Variants in NF1 observed in about 807,000 individuals in gnomAD.
The protein encoded by NF1 is neurofibromin 1.
In NF1, 122 loss-of-function variants were observed where a neutral mutation model predicts 325.7. That is an observed-to-expected ratio of 0.37 (90% CI 0.32 to 0.44). The LOEUF is 0.44. NF1 is among the 20% of genes least tolerant of loss of function. NF1 has a pLI of 1.00. For synonymous variants in NF1, 1,091 were observed against 1,186.0 expected, an observed-to-expected ratio of 0.92 and a Z score of 1.65; for missense variants, 2,140 against 3,415.4, an observed-to-expected ratio of 0.63 and a Z score of 9.31.
At chr17:31,333,056 C>T (rs928123125) in intron 39 of NF1, among the ~76,000 whole-genome samples, 18 of 152,066 alleles carry the variant, frequency 1.2e-4, no homozygotes, top group African/African-American at 4.3e-4. Context: ...AGTGAGGCCC[C>T]CATCTCAAAA....
chr17:31,362,362 C>T lies in NF1; in HGVS notation c.8377+1659C>T, dbSNP rs572658615. 35 of 985,128 alleles carry T rather than the reference C, an allele frequency of 3.6e-5. No homozygotes were observed. The highest frequency in any genetic ancestry group is 2.1e-4 in the African/African-American group (12 of 57,348). 61.0% of individuals were successfully genotyped at this position (985,128 alleles called of 1,614,324 possible). ...AGCATTTTGGAGCTAGGGAACCATACAGGTAATTTAGTTTTAGGCTCACAA... is the reference window on the plus strand; with the variant it reads ...AGCATTTTGGAGCTAGGGAACCATATAGGTAATTTAGTTTTAGGCTCACAA... On this transcript the variant is annotated intron_variant, in intron 57 of 57. Coordinates refer to ENST00000358273, the MANE Select transcript of NF1 (RefSeq NM_001042492.3).
intron 1 of NF1, among the ~76,000 whole-genome samples, chr17:31,119,462 T>G (rs985788743): frequency 3.5e-4 from 50 of 143,746 alleles, no homozygotes; most frequent in South Asian, 8.6e-4. Flanking sequence ...TTTTGATGGG[T>G]TTTTTTTTTT....
At chr17:31,290,125 A>G (rs2151493471) in intron 36 of NF1, among the ~76,000 whole-genome samples, 1 of 152,130 alleles carries the variant, frequency 6.6e-6, no homozygotes, top group East Asian at 1.9e-4. Context: ...AACCTCCTTT[A>G]TAGCATCTTA....
At chr17:31,156,734 A>G (rs922675701) in intron 2 of NF1, among the ~76,000 whole-genome samples, 1 of 151,888 alleles carries the variant, frequency 6.6e-6, no homozygotes, top group Non-Finnish European at 1.5e-5. Flanking sequence ...TCTTCTTCCC[A>G]TTTTCTAAAA....
chr17:31,281,088 C>T (rs1021825634), intron 36 of NF1, among the ~76,000 whole-genome samples: 2 of 152,182 alleles, frequency 1.3e-5, no homozygotes, highest in Non-Finnish European at 2.9e-5. Flanking sequence ...TTTAGCATCT[C>T]ATACAAGTCT....
chr17:31,327,936 T>A (rs1414206730), intron 38 of NF1, 97 bp downstream of exon 38: 2 of 1,181,448 alleles, frequency 1.7e-6, no homozygotes, highest in Non-Finnish European at 2.5e-6. Context: ...ACCTTAATAT[T>A]GTAAATTGGA....
intron 1 of NF1, chr17:31,136,667 G>C (rs1915808774): frequency 6.6e-6 from 1 of 152,126 alleles, no homozygotes; most frequent in African/African-American, 2.4e-5. Flanking sequence ...GTAGTGCTGT[G>C]TTCAGTTAAC....
At chr17:31,107,758 A>G (rs1026242785) in intron 1 of NF1, among the ~76,000 whole-genome samples, 1 of 152,052 alleles carries the variant, frequency 6.6e-6, no homozygotes, top group Non-Finnish European at 1.5e-5. Context: ...TTTTGGTGCA[A>G]TGGTGGTCAG....
chr17:31,142,490 T>A (rs930431148), intron 1 of NF1, among the ~76,000 whole-genome samples: 1 of 152,198 alleles, frequency 6.6e-6, no homozygotes, highest in African/African-American at 2.4e-5. Context: ...TTTTCTTATA[T>A]GTGTTTCAGT....
intron 36 of NF1, among the ~76,000 whole-genome samples, chr17:31,311,149 C>T (rs538515684): frequency 2.0e-4 from 30 of 152,180 alleles, no homozygotes; most frequent in Admixed American, 5.2e-4. Context: ...CATGGGGTTT[C>T]ACCATGTCAC....
chr17:31,349,542 C>T (rs1446879805), intron 49 of NF1, among the ~76,000 whole-genome samples: 2 of 152,180 alleles, frequency 1.3e-5, no homozygotes, highest in East Asian at 1.9e-4. Context: ...CAGTCTAGCA[C>T]CCTGGGTCCT....
At position 31,327,892 on chromosome 17, in the gene NF1, A is replaced by G. The variant is rs570452122; in HGVS notation, c.5609+53A>G. 1,295 of 1,510,890 alleles carry G rather than the reference A, an allele frequency of 8.6e-4. 21 individuals are homozygous for G. In the South Asian group the frequency reaches 0.014, roughly 16 times the overall value. The allele number at this position is 1,510,890 out of a possible 1,614,324, so 93.6% of individuals were successfully genotyped here. ...TGATTTGGGGTTTGTTGCTTTTAAA[A>G]TGAGACCATTTAATGAATTTTAAAA... On this transcript the variant is annotated intron_variant, in intron 38 of 57. Transcript: ENST00000358273.
At chr17:31,305,303 C>T in intron 36 of NF1, 2 of 1,614,006 alleles carry the variant, frequency 1.2e-6, no homozygotes, top group East Asian at 4.5e-5. Flanking sequence ...GTGTTGTAGG[C>T]AAGTGGTTGT....
intron 46 of NF1, among the ~76,000 whole-genome samples, chr17:31,339,060 T>C (rs1461895468): frequency 6.6e-6 from 1 of 152,172 alleles, no homozygotes; most frequent in African/African-American, 2.4e-5. Context: ...GTATATATTC[T>C]TAATTATTTT....
intron 31 of NF1, chr17:31,257,557 A>T (rs2067604328): frequency 6.6e-6 from 1 of 152,162 alleles, no homozygotes; most frequent in Non-Finnish European, 1.5e-5. Context: ...CATTTTAAAT[A>T]TTGGGTTCAC....
intron 1 of NF1, among the ~76,000 whole-genome samples, chr17:31,153,463 A>G (rs1290888919): frequency 6.6e-6 from 1 of 152,338 alleles, no homozygotes; most frequent in Non-Finnish European, 1.5e-5. Flanking sequence ...GCAAATTGCA[A>G]TGAGCATAAC....
At chr17:31,133,284 T>G (rs1029853527) in intron 1 of NF1, 2 of 152,222 alleles carry the variant, frequency 1.3e-5, no homozygotes, top group African/African-American at 4.8e-5. Flanking sequence ...GTGTAATGTC[T>G]TCAAGGTTAA....
At chr17:31,181,603 G>T in intron 6 of NF1, 107 bp from the exon 7 acceptor site, 1 of 1,291,388 alleles carries the variant, frequency 7.7e-7, no homozygotes, top group South Asian at 1.2e-5. Flanking sequence ...TTCATTTTCA[G>T]GAAGAATACA....
chr17:31,276,544 C>G (rs1367014666), intron 36 of NF1, among the ~76,000 whole-genome samples: 2 of 152,078 alleles, frequency 1.3e-5, no homozygotes, highest in African/African-American at 2.4e-5. Context: ...AGTTTGACAC[C>G]AAAATTTATT....
Sources: gnomAD v4.1 joint callset for allele counts (sites outside exome capture counted in the v4.1 genomes callset) on GRCh38, gnomAD v4.1.1 for gene constraint, MANE v1.5 for transcripts, NCBI Gene and HGNC (gene_info 2026-07-23, HGNC 2026-07-21) for gene names.